PDE4DIP: variants seen among roughly 807,000 people sequenced by gnomAD.
PDE4DIP encodes myomegalin.
PDE4DIP carries 59 observed loss-of-function variants against 221.4 expected under a neutral mutation model. The ratio of observed to expected loss-of-function variants is 0.27; its 90% CI spans 0.22 to 0.33. The LOEUF (loss-of-function observed/expected upper bound fraction) is 0.33, where lower values mean the gene tolerates loss of function less well. Ranked by LOEUF, PDE4DIP falls within the 10% of genes least tolerant of loss-of-function variation. The pLI, the probability that PDE4DIP is intolerant of heterozygous loss-of-function variation, is 1.00. For missense variants in PDE4DIP, 1,036 were observed against 2,154.2 expected (o/e 0.48, Z 10.28); for synonymous variants, 404 against 815.9 (o/e 0.50, Z 8.60).
At chr1:149,017,790 T>C (rs2071190650) in exon 34 of PDE4DIP, 2 of 1,608,764 alleles carry the variant, frequency 1.2e-6, no homozygotes, top group Non-Finnish European at 1.7e-6. Flanking sequence ...ATCCGGAACC[T>C]GCGCCAGCGC....
chr1:148,967,796 A>G, exon 13 of PDE4DIP: 1 of 1,213,870 alleles, frequency 8.2e-7, no homozygotes, highest in Non-Finnish European at 1.2e-6. Flanking sequence ...CAAAACCTCC[A>G]GTGGCTGAAA....
intron 5 of PDE4DIP, among the ~76,000 whole-genome samples, chr1:148,949,069 T>G (rs2052504762): frequency 6.6e-6 from 1 of 152,220 alleles, no homozygotes; most frequent in Non-Finnish European, 1.5e-5. Flanking sequence ...CTGAGTTCAT[T>G]CTTTTTGATC....
intron 17 of PDE4DIP, among the ~76,000 whole-genome samples, chr1:148,975,150 A>G (rs1392998215): frequency 6.7e-6 from 1 of 148,692 alleles, no homozygotes; most frequent in African/African-American, 2.5e-5. Context: ...CAGCCTGGGC[A>G]ACAAGAGCAA....
chr1:148,976,149 T>C (rs1350826579), intron 17 of PDE4DIP, among the ~76,000 whole-genome samples: 2 of 152,360 alleles, frequency 1.3e-5, no homozygotes, highest in African/African-American at 2.4e-5. Context: ...TCCAGAGTAA[T>C]GTTACTTTTT....
intron 1 of PDE4DIP, among the ~76,000 whole-genome samples, chr1:148,917,328 A>G (rs2044320606): frequency 6.9e-6 from 1 of 145,292 alleles, no homozygotes; most frequent in African/African-American, 2.6e-5. Context: ...CTGTGCTCAG[A>G]GTCTAAATAA....
chr1:149,032,081 A>C, exon 44 of PDE4DIP: 2 of 1,606,642 alleles, frequency 1.2e-6, no homozygotes, highest in Non-Finnish European at 1.7e-6. Flanking sequence ...GCAGCTACCT[A>C]TCTGCTGAGG....
At chr1:148,970,110 C>T (rs1443354205) in intron 14 of PDE4DIP, among the ~76,000 whole-genome samples, 2 of 150,848 alleles carry the variant, frequency 1.3e-5, no homozygotes, top group Non-Finnish European at 3.0e-5. Context: ...GCTCAGAATC[C>T]CCGTAGTCAG....
chr1:148,857,402 C>T (rs1681837403), intron 1 of PDE4DIP, among the ~76,000 whole-genome samples: 1 of 22,856 alleles, frequency 4.4e-5, no homozygotes, highest in African/African-American at 4.5e-4. Context: ...CGCTCTGTCG[C>T]CCAGGCCGGA....
intron 5 of PDE4DIP, chr1:148,938,415 A>G (rs2049748784): frequency 6.6e-6 from 1 of 151,692 alleles, no homozygotes; most frequent in Non-Finnish European, 1.5e-5. Flanking sequence ...GACCTTTGCC[A>G]TATTGGTTAG....
intron 1 of PDE4DIP, among the ~76,000 whole-genome samples, chr1:148,830,076 C>T (rs1463948681): frequency 1.2e-3 from 1 of 844 alleles, no homozygotes; most frequent in African/African-American, 4.1e-3. Context: ...TTAGCAATGC[C>T]TAGCACATGC....
intron 6 of PDE4DIP, among the ~76,000 whole-genome samples, chr1:148,961,501 T>C (rs1260820136): frequency 6.6e-6 from 1 of 152,092 alleles, no homozygotes; most frequent in Non-Finnish European, 1.5e-5. Flanking sequence ...CTATGCTAGA[T>C]AGCAGAAGCT....
At chr1:148,976,636 G>A (rs1201863413) in intron 17 of PDE4DIP, among the ~76,000 whole-genome samples, 2 of 152,204 alleles carry the variant, frequency 1.3e-5, no homozygotes, top group South Asian at 2.1e-4. Context: ...TTTCTATTGG[G>A]GAGATACAGA....
At chr1:149,020,842 C>T (rs2072548819) in intron 36 of PDE4DIP, 187 bp from the exon 40 acceptor site, 1 of 570,074 alleles carries the variant, frequency 1.8e-6, no homozygotes, top group South Asian at 2.3e-5. Flanking sequence ...CCCTCAGCCT[C>T]CATTTCCATA....
At chr1:148,953,490 C>T (rs151105756) in intron 5 of PDE4DIP, 44 of 1,610,206 alleles carry the variant, frequency 2.7e-5, no homozygotes, top group South Asian at 8.8e-5. Context: ...GAGGAAGAGA[C>T]GCCTGGTTCC....
chr1:148,919,617 A>G (rs2045001841), intron 1 of PDE4DIP, among the ~76,000 whole-genome samples: 1 of 151,814 alleles, frequency 6.6e-6, no homozygotes, highest in African/African-American at 2.4e-5. Flanking sequence ...AGAAAAATTC[A>G]CTCTGCATAC....
intron 5 of PDE4DIP, chr1:148,952,013 G>T: frequency 2.0e-6 from 2 of 987,248 alleles, no homozygotes; most frequent in East Asian, 7.4e-5. Flanking sequence ...GGTACCTAGC[G>T]GCGCTGCCCC....
chr1:149,017,854 G>T, exon 34 of PDE4DIP: 1 of 1,613,546 alleles, frequency 6.2e-7, no homozygotes, highest in Non-Finnish European at 8.5e-7. Flanking sequence ...TGGAACACCG[G>T]CTGACCTCTA....
intron 1 of PDE4DIP, among the ~76,000 whole-genome samples, chr1:148,905,164 T>C (rs1374795720): frequency 5.0e-5 from 7 of 140,602 alleles, no homozygotes; most frequent in South Asian, 2.3e-4. Flanking sequence ...CAGGAATTTA[T>C]CCATCTCTTC....
chr1:149,032,259 A>G (rs1246338230), exon 44 of PDE4DIP: 3 of 606,494 alleles, frequency 4.9e-6, no homozygotes, highest in Non-Finnish European at 8.8e-6. Flanking sequence ...CGTAGTTTGC[A>G]CAGAAGGTTT....
Sources: gnomAD v4.1 joint callset for allele counts (sites outside exome capture counted in the v4.1 genomes callset) on GRCh38, gnomAD v4.1.1 for gene constraint, MANE v1.5 for transcripts, NCBI Gene and HGNC (gene_info 2026-07-23, HGNC 2026-07-21) for gene names.